Variants in RFX3 observed in about 807,000 individuals in gnomAD.
RFX3 encodes the protein regulatory factor X3, also known as transcription factor RFX3.
A neutral mutation model predicts 98.6 loss-of-function variants in RFX3; 14 were observed. The ratio of observed to expected loss-of-function variants is 0.14; its 90% CI spans 0.09 to 0.22. The LOEUF (loss-of-function observed/expected upper bound fraction) is 0.22. Among genes scored for constraint, RFX3 ranks in the 10% least tolerant of loss-of-function variants. The pLI is 1.00. For missense variants in RFX3, 639 were observed against 926.9 expected (o/e 0.69, Z 4.03); for synonymous variants, 383 against 328.4 (o/e 1.17, Z -1.80).
chr9:3,237,887 C>T (rs551978499), intron 15 of RFX3, among the ~76,000 whole-genome samples: 10 of 151,938 alleles, frequency 6.6e-5, no homozygotes, highest in South Asian at 2.1e-4. Flanking sequence ...CACTATCCCA[C>T]GCCTGAGCCC....
chr9:3,225,258 A>G lies in RFX3; in HGVS notation c.2034T>C (p.Ser678=). Residue 678 remains serine (S), a synonymous_variant, in exon 17 of 17, where the codon AGT becomes AGC. Transcript: ENST00000617270. ...LDKDEGSEVE[S]EMDEELDDSS... ...AGTCATCCAGTTCTTCATCCATTTC[A>G]CTTTCTACTTCACTGCCTTCATCTG... The G allele has an allele frequency of 6.2e-7, 1 of 1,613,690 alleles. No homozygotes were observed. Among genetic ancestry groups the G allele is most frequent in the Non-Finnish European group, 8.5e-7 (1 of 1,179,886 alleles).
At chr9:3,433,167 T>C (rs1844803925) in intron 1 of RFX3, among the ~76,000 whole-genome samples, 1 of 152,076 alleles carries the variant, frequency 6.6e-6, no homozygotes, top group Non-Finnish European at 1.5e-5. Flanking sequence ...CAAATATAAG[T>C]GAATCCATGT....
chr9:3,227,366 C>A (rs567873806), intron 16 of RFX3, among the ~76,000 whole-genome samples: 33 of 152,244 alleles, frequency 2.2e-4, no homozygotes, highest in African/African-American at 7.5e-4. Context: ...CTTTGGAGAA[C>A]TTACAAAGCA....
chr9:3,490,254 T>C, intron 1 of RFX3: 1 of 830,134 alleles, frequency 1.2e-6, no homozygotes, highest in Non-Finnish European at 1.4e-6. Flanking sequence ...GTTCATTATT[T>C]ATAAAGAACA....
At chr9:3,290,572 T>C (rs1827213396) in intron 6 of RFX3, among the ~76,000 whole-genome samples, 1 of 152,056 alleles carries the variant, frequency 6.6e-6, no homozygotes, top group African/African-American at 2.4e-5. Flanking sequence ...TTTTGTGGTT[T>C]TGAAAAAAAG....
intron 4 of RFX3, among the ~76,000 whole-genome samples, chr9:3,308,829 T>A (rs1454194698): frequency 6.6e-6 from 1 of 152,022 alleles, no homozygotes; most frequent in Non-Finnish European, 1.5e-5. Context: ...TGGGTTGCTA[T>A]GAGAAAATAT....
At chr9:3,290,597 A>G (rs534646758) in intron 6 of RFX3, among the ~76,000 whole-genome samples, 4 of 152,330 alleles carry the variant, frequency 2.6e-5, no homozygotes, top group South Asian at 4.1e-4. Flanking sequence ...ATAGAAACAA[A>G]AAGTTTTCTC....
At chr9:3,238,575 G>C (rs1159098308) in intron 15 of RFX3, among the ~76,000 whole-genome samples, 1 of 152,120 alleles carries the variant, frequency 6.6e-6, no homozygotes, top group Non-Finnish European at 1.5e-5. Flanking sequence ...GCCCTTTTTA[G>C]AGAATCAGGA....
intron 4 of RFX3, among the ~76,000 whole-genome samples, chr9:3,316,493 C>G (rs913877173): frequency 3.9e-5 from 6 of 152,174 alleles, no homozygotes; most frequent in African/African-American, 1.4e-4. Flanking sequence ...TCTCACCGCT[C>G]CTATTCAACA....
At chr9:3,239,408 A>T (rs1819614568) in intron 15 of RFX3, among the ~76,000 whole-genome samples, 1 of 152,222 alleles carries the variant, frequency 6.6e-6, no homozygotes, top group Admixed American at 6.5e-5. Context: ...CACGTGGGCA[A>T]ATCCTGCCCG....
At chr9:3,231,190 G>A (rs924722951) in intron 15 of RFX3, among the ~76,000 whole-genome samples, 15 of 152,172 alleles carry the variant, frequency 9.9e-5, no homozygotes, top group African/African-American at 3.6e-4. Flanking sequence ...TGGGATCAAC[G>A]ACAAAGTTTC....
At chr9:3,354,421 A>G (rs1280849489) in intron 2 of RFX3, among the ~76,000 whole-genome samples, 1 of 151,948 alleles carries the variant, frequency 6.6e-6, no homozygotes, top group Non-Finnish European at 1.5e-5. Context: ...ATTAAACCAA[A>G]GTGCATTATA....
intron 6 of RFX3, among the ~76,000 whole-genome samples, chr9:3,289,180 A>G (rs1200247221): frequency 6.6e-6 from 1 of 152,156 alleles, no homozygotes; most frequent in Non-Finnish European, 1.5e-5. Flanking sequence ...ATTTACAAAA[A>G]GAAATGCAAG....
chr9:3,421,306 G>A (rs1427110028), intron 1 of RFX3, among the ~76,000 whole-genome samples: 2 of 152,160 alleles, frequency 1.3e-5, no homozygotes, highest in Non-Finnish European at 2.9e-5. Context: ...AAAAGCAATG[G>A]AGAAGAAACC....
At chr9:3,440,561 T>A (rs898906923) in intron 1 of RFX3, among the ~76,000 whole-genome samples, 1 of 152,110 alleles carries the variant, frequency 6.6e-6, no homozygotes, top group Non-Finnish European at 1.5e-5. Flanking sequence ...CACTGAAAAC[T>A]ACAAAAATAC....
chr9:3,343,302 G>A (rs896032682), intron 3 of RFX3, among the ~76,000 whole-genome samples: 6 of 152,204 alleles, frequency 3.9e-5, no homozygotes, highest in Non-Finnish European at 7.4e-5. Flanking sequence ...AAAGATCAGA[G>A]TCCCTATCTT....
At chr9:3,457,090 G>A (rs563086640) in intron 1 of RFX3, among the ~76,000 whole-genome samples, 2 of 125,406 alleles carry the variant, frequency 1.6e-5, no homozygotes, top group South Asian at 5.3e-4. Flanking sequence ...GCTGTGAACC[G>A]AGATCGCACC....
chr9:3,280,429 G>C (rs961563317), intron 7 of RFX3, among the ~76,000 whole-genome samples: 4 of 151,660 alleles, frequency 2.6e-5, no homozygotes, highest in Admixed American at 1.3e-4. Context: ...TTGGAACTTA[G>C]AAAAAATCCC....
At chr9:3,449,582 A>C (rs1846379086) in intron 1 of RFX3, among the ~76,000 whole-genome samples, 2 of 152,246 alleles carry the variant, frequency 1.3e-5, no homozygotes, top group Admixed American at 1.3e-4. Flanking sequence ...AAAATTGGCC[A>C]GGCACAGTGC....
Sources: gnomAD v4.1 joint callset for allele counts (sites outside exome capture counted in the v4.1 genomes callset) on GRCh38, gnomAD v4.1.1 for gene constraint, MANE v1.5 for transcripts, NCBI Gene and HGNC (gene_info 2026-07-23, HGNC 2026-07-21) for gene names.